Variants in WHAMM observed in about 807,000 individuals in gnomAD.
WHAMM encodes the protein WASP homolog associated with actin, golgi membranes and microtubules.
A neutral mutation model predicts 76.5 loss-of-function variants in WHAMM; 67 were observed. The observed-to-expected ratio is 0.88, with a 90% confidence interval of 0.72 to 1.07. The LOEUF is 1.07. Among genes scored for constraint, WHAMM ranks in the 50% least tolerant of loss-of-function variants. WHAMM has a pLI of 0.00. For missense variants in WHAMM, 1,021 were observed against 1,051.1 expected (o/e 0.97, Z 0.40); for synonymous variants, 419 against 422.1 (o/e 0.99, Z 0.09).
chr15:82,818,418 G>A (rs1391737023), intron 4 of WHAMM, among the ~76,000 whole-genome samples: 3 of 152,094 alleles, frequency 2.0e-5, no homozygotes, highest in African/African-American at 4.8e-5. Context: ...TCCAGGCATC[G>A]TTAAAGAGCT....
In WHAMM at chr15:82,833,560, G is replaced by A; in HGVS notation, c.*24G>A. ...AGGCTCAAGTTTGACAAAGGCACCT[G>A]CCACAGTAGGCTTGAATAAAGTGGG... On this transcript the variant is annotated 3_prime_UTR_variant, in exon 10 of 10. Coordinates refer to ENST00000286760, the MANE Select transcript of WHAMM (RefSeq NM_001080435.3). 29 of 1,607,758 alleles carry A rather than the reference G, an allele frequency of 1.8e-5. No individual in the cohort carries two copies. Among genetic ancestry groups the A allele is most frequent in the Non-Finnish European group, 2.5e-5 (29 of 1,177,634 alleles).
Position 82,833,460 on chromosome 15 carries a change from T to G in WHAMM, c.2354T>G (p.Leu785Arg), listed in dbSNP as rs2051072360. 1.9e-6 allele frequency: 3 copies of G among 1,613,804 alleles called. No homozygotes were observed. The African/African-American group carries it at 4.0e-5, about 22-fold the overall frequency. Residue 785 changes from leucine to arginine, a missense_variant, in exon 10 of 10, where the codon CTC becomes CGC. Physicochemically the swap from Leu to Arg is moderately radical, Grantham distance 102 (BLOSUM62 -2). Coordinates refer to ENST00000286760, the MANE Select transcript of WHAMM (RefSeq NM_001080435.3). ...CTTGAGAGGAGCATCAAGGCTGCGC[T>G]CCAGAGAATCAAGAGGGTGTCTGCT... ...SDLERSIKAA[L>R]QRIKRVSADS...
At chr15:82,815,693 G>C (rs755648453) in intron 2 of WHAMM, among the ~76,000 whole-genome samples, 11 of 151,924 alleles carry the variant, frequency 7.2e-5, no homozygotes, top group Non-Finnish European at 1.0e-4. Context: ...AGTAAATGAG[G>C]GTTCCGGTTT....
At chr15:82,813,606 C>A (rs1344488680) in intron 2 of WHAMM, among the ~76,000 whole-genome samples, 1 of 144,222 alleles carries the variant, frequency 6.9e-6, no homozygotes, top group Non-Finnish European at 1.5e-5. Context: ...GCTTAAGATT[C>A]CTACAGATTT....
intron 2 of WHAMM, 124 bp downstream of exon 2, chr15:82,813,400 T>G: frequency 1.0e-6 from 1 of 1,004,848 alleles, no homozygotes; most frequent in Non-Finnish European, 1.4e-6. Context: ...GTTTATTTAT[T>G]TACTTATTTA....
chr15:82,828,782 A>C (rs1028118945), intron 8 of WHAMM, among the ~76,000 whole-genome samples: 1 of 152,246 alleles, frequency 6.6e-6, no homozygotes, highest in Non-Finnish European at 1.5e-5. Flanking sequence ...CTGGTTTTCT[A>C]GTCCAAAAAA....
At chr15:82,820,910 A>AG (rs1344481785) in intron 5 of WHAMM, among the ~76,000 whole-genome samples, 1 of 39,506 alleles carries the variant, frequency 2.5e-5, no homozygotes, top group Non-Finnish European at 6.5e-5. Context: ...AAAAAAAAAA[A>AG]AAAAAAAAAA....
intron 2 of WHAMM, 96 bp from the exon 3 acceptor site, chr15:82,816,596 G>C: frequency 8.4e-7 from 1 of 1,191,976 alleles, no homozygotes; most frequent in Non-Finnish European, 1.2e-6. Flanking sequence ...TAGTAGTGTA[G>C]TTAAATTAAT....
At position 82,813,271 on chromosome 15, in the gene WHAMM, AT is replaced by A. The variant is rs757452404; in HGVS notation, c.782del (p.Leu261Ter). On this transcript the variant is annotated frameshift_variant, in exon 2 of 10. Coordinates refer to ENST00000286760, the MANE Select transcript of WHAMM (RefSeq NM_001080435.3). LOFTEE classifies it high-confidence loss of function. The stretch of plus-strand genomic sequence containing the variant: ...AGTTGCAACTTTATGTAAGCTTGAT[AT>A]TTTGGTATGTTTTTTTAAAATTTTT... ...REVATLCKLD[I>X]LKSLDEDDLG... 6.5e-7 allele frequency: 1 copy of A among 1,544,398 alleles called. No individual in the cohort carries two copies. The highest frequency in any genetic ancestry group is 1.4e-5 in the African/African-American group (1 of 71,966).
chr15:82,833,299 G>A lies in WHAMM; in HGVS notation c.2193G>A (p.Ala731=), dbSNP rs139107201. 3.0e-4 allele frequency: 488 copies of A among 1,613,992 alleles called. 1 individual carries two copies. The highest frequency in any genetic ancestry group is 3.8e-4 in the Non-Finnish European group (451 of 1,179,880). ...RAPLRKVEVP[A]VRPPHASINE... is the part of the protein sequence containing the mutation. ...CTCTCCGGAAGGTGGAAGTGCCGGC[G>A]GTGCGCCCTCCCCACGCCTCAATCA... The change falls in exon 10 of 10, where the codon GCG becomes GCA. Residue 731 remains alanine (A), a synonymous_variant. Coordinates refer to ENST00000286760, the MANE Select transcript of WHAMM (RefSeq NM_001080435.3).
Position 82,809,963 on chromosome 15 carries a change from C to A in WHAMM, c.237C>A (p.Ala79=). 7.4e-7 allele frequency: 1 copy of A among 1,350,492 alleles called. No individual in the cohort carries two copies. The highest frequency in any genetic ancestry group is 9.5e-7 in the Non-Finnish European group (1 of 1,049,310). 83.7% of individuals were successfully genotyped at this position (1,350,492 alleles called of 1,614,324 possible). The part of the protein sequence containing the change: ...PEAAVSPSSW[A]GLLSAAGLRG... ...CCGCCGTCTCCCCGTCCAGCTGGGC[C>A]GGCCTGCTCTCGGCCGCGGGGCTCC... Residue 79 remains alanine, a synonymous_variant, in exon 1 of 10, where the codon GCC becomes GCA. Coordinates refer to ENST00000286760, the MANE Select transcript of WHAMM (RefSeq NM_001080435.3).
rs71156055 is a variant in WHAMM, at chr15:82,824,162, C to CTTTT, written c.1458+885_1458+888dup. Reference sequence around the variant, plus strand: ...TACTCATATTTACTATACTTTTCTCCTTTTTTTTTTTTTGAAACAGAGTCT... The same window carrying CTTTT: ...TACTCATATTTACTATACTTTTCTCCTTTTTTTTTTTTTTTTTGAAACAGAGTCT... On this transcript the variant is annotated intron_variant, in intron 6 of 9. Transcript: ENST00000286760. Among the ~76,000 whole-genome samples the CTTTT allele has an allele frequency of 3.6e-4, 43 of 118,042 alleles. 2 individuals carry two copies. The highest frequency in any genetic ancestry group is 1.0e-3 in the African/African-American group (33 of 32,232). The allele number at this position is 118,042 out of a possible 152,430, so 77.4% of individuals were successfully genotyped here.
chr15:82,833,686 A>C lies in WHAMM; in HGVS notation c.*150A>C. 1.5e-6 allele frequency: 1 copy of C among 676,496 alleles called. No individual in the cohort carries two copies. Among genetic ancestry groups the C allele is most frequent in the Non-Finnish European group, 2.3e-6 (1 of 435,696 alleles). The allele number at this position is 676,496 out of a possible 1,614,324, so 41.9% of individuals were successfully genotyped here. A position where few individuals can be genotyped will look rare whatever the true frequency, so the allele number is the denominator to read the frequency against. On this transcript the variant is annotated 3_prime_UTR_variant, in exon 10 of 10. Transcript: ENST00000286760. ...AGGGCCTTGTGTAGGCTGCTGCAGC[A>C]TTTTTTTTTTTTTTCTTTTTTGAGA...
chr15:82,833,427 C>T lies in WHAMM; in HGVS notation c.2321C>T (p.Thr774Ile). ...AGCAAACCAACCAGCAACAGACGCACCAGTGACCTTGAGAGGAGCATCAAG... is the reference window on the plus strand; with the variant it reads ...AGCAAACCAACCAGCAACAGACGCATCAGTGACCTTGAGAGGAGCATCAAG... Reference protein sequence around the residue: ...PSSKPTSNRRTSDLERSIKAA... With the variant: ...PSSKPTSNRRISDLERSIKAA... Residue 774 changes from threonine (T) to isoleucine (I), a missense_variant, in exon 10 of 10, where the codon ACC becomes ATC. Around this residue, in one of 3 missense-constraint regions of WHAMM, gnomAD observed 509 missense variants for 492.3 expected, o/e 1.03. Coordinates refer to ENST00000286760, the MANE Select transcript of WHAMM (RefSeq NM_001080435.3). 1 of 1,614,020 alleles carries T rather than the reference C, an allele frequency of 6.2e-7. No individual in the cohort carries two copies. Among genetic ancestry groups the T allele is most frequent in the Non-Finnish European group, 8.5e-7 (1 of 1,179,906 alleles).
At chr15:82,822,195 T>C (rs1390381165) in intron 5 of WHAMM, among the ~76,000 whole-genome samples, 1 of 152,232 alleles carries the variant, frequency 6.6e-6, no homozygotes, top group Non-Finnish European at 1.5e-5. Flanking sequence ...TATATATGAC[T>C]AAGACATCTT....
intron 1 of WHAMM, chr15:82,810,575 G>A: frequency 1.0e-6 from 1 of 985,476 alleles, no homozygotes; most frequent in East Asian, 1.1e-4. Flanking sequence ...CTTGCAGCTG[G>A]GAGCTGGGCT....
In WHAMM at chr15:82,810,088, G is replaced by T; in HGVS notation, c.362G>T (p.Gly121Val). ...GACGTGGGCGGCGGCGGGGCCTGGG[G>T]TCTGGGGCTCGGGCTGTGGGCGCTG... The part of the protein sequence containing the change: ...ELDVGGGGAW[G>V]LGLGLWALLW... Residue 121 changes from glycine (G) to valine (V), a missense_variant, in exon 1 of 10, where the codon GGT (glycine) becomes GTT (valine). This residue lies in a region of WHAMM where 501 missense variants were observed against 524.9 expected (regional missense o/e 0.95). Transcript: ENST00000286760. 8.0e-7 allele frequency: 1 copy of T among 1,253,978 alleles called. No individual in the cohort carries two copies. The highest frequency in any genetic ancestry group is 1.0e-6 in the Non-Finnish European group (1 of 1,000,122). 77.7% of individuals were successfully genotyped at this position (1,253,978 alleles called of 1,614,324 possible). A position where few individuals can be genotyped will look rare whatever the true frequency, so the allele number is the denominator to read the frequency against.
chr15:82,822,545 C>T (rs932151470), intron 5 of WHAMM, among the ~76,000 whole-genome samples: 2 of 152,216 alleles, frequency 1.3e-5, no homozygotes, highest in African/African-American at 2.4e-5. Flanking sequence ...TCATGCTGTT[C>T]TCCTGCCTCA....
chr15:82,836,015 G>T lies in WHAMM; in HGVS notation c.*2479G>T, dbSNP rs943224577. ...CTTAATCAGGCTAAAATAATTCTCA[G>T]AATTTGCTTTCTAAGGGCTGCCAAA... On this transcript the variant is annotated 3_prime_UTR_variant, in exon 10 of 10. Coordinates refer to ENST00000286760, the MANE Select transcript of WHAMM (RefSeq NM_001080435.3). The T allele has an allele frequency of 6.6e-5, 10 of 152,194 alleles. No homozygotes were observed. The highest frequency in any genetic ancestry group is 2.4e-4 in the African/African-American group (10 of 41,444). 9.4% of individuals were successfully genotyped at this position (152,194 alleles called of 1,614,324 possible).
Sources: allele counts gnomAD v4.1 joint callset (sites outside exome capture counted in the v4.1 genomes callset), GRCh38; gene constraint gnomAD v4.1.1; regional missense constraint gnomAD v4.1.1; transcripts MANE v1.5; gene names NCBI Gene and HGNC (gene_info 2026-07-23, HGNC 2026-07-21).